XRCC4: variants seen among roughly 807,000 people sequenced by gnomAD.
XRCC4 encodes DNA repair protein XRCC4.
A neutral mutation model predicts 39.1 loss-of-function variants in XRCC4; 28 were observed. The observed-to-expected ratio is 0.72, with a 90% confidence interval of 0.53 to 0.98. The LOEUF (loss-of-function observed/expected upper bound fraction) is 0.98, where lower values mean the gene tolerates loss of function less well. Ranked by LOEUF, XRCC4 falls within the 50% of genes least tolerant of loss-of-function variation. XRCC4 has a pLI of 0.00. For missense variants in XRCC4, 350 were observed against 376.4 expected (o/e 0.93, Z 0.58); for synonymous variants, 123 against 126.4 (o/e 0.97, Z 0.18).
At chr5:83,252,159 C>T (rs1334639567) in intron 6 of XRCC4, among the ~76,000 whole-genome samples, 1 of 152,080 alleles carries the variant, frequency 6.6e-6, no homozygotes, top group Non-Finnish European at 1.5e-5. Flanking sequence ...CACAAGGTAG[C>T]CTGAGGCATT....
intron 7 of XRCC4, among the ~76,000 whole-genome samples, chr5:83,288,419 G>C (rs948602268): frequency 6.6e-6 from 1 of 151,850 alleles, no homozygotes; most frequent in Non-Finnish European, 1.5e-5. Context: ...ACTTCTATCA[G>C]TTTTGCCTTG....
chr5:83,372,085 T>C, the XRCC4 span, among the ~76,000 whole-genome samples: 1 of 152,172 alleles, frequency 6.6e-6, no homozygotes, highest in African/African-American at 2.4e-5. Context: ...GTGCAGGAAA[T>C]CCTTTTGCTT....
intron 7 of XRCC4, 185 bp downstream of exon 7, chr5:83,258,862 T>A: frequency 3.7e-6 from 3 of 807,252 alleles, no homozygotes; most frequent in Non-Finnish European, 5.4e-6. Flanking sequence ...TATTAATATT[T>A]AAAGCTGAAA....
intron 7 of XRCC4, among the ~76,000 whole-genome samples, chr5:83,288,242 G>T (rs984508059): frequency 1.3e-5 from 2 of 151,810 alleles, no homozygotes; most frequent in African/African-American, 4.8e-5. Flanking sequence ...TATCATGCAG[G>T]TGTTGGATGG....
At chr5:83,232,128 G>A (rs1189017854) in intron 6 of XRCC4, among the ~76,000 whole-genome samples, 3 of 151,824 alleles carry the variant, frequency 2.0e-5, no homozygotes, top group African/African-American at 7.3e-5. Context: ...AAGCCAGAGT[G>A]CAAAATAATT....
chr5:83,153,639 A>C (rs1748823139), intron 3 of XRCC4, among the ~76,000 whole-genome samples: 1 of 152,202 alleles, frequency 6.6e-6, no homozygotes. Flanking sequence ...ATGATGACAA[A>C]GGCTGGCAAG....
rs1199485352 is a variant in XRCC4, at chr5:83,183,944, C to G, written c.316-11826C>G. ...TTTTAGACCAATAATTTGTTTTTATCTTGTCTCTAGGTAAATAAGATTATA... is the reference window on the plus strand; with the variant it reads ...TTTTAGACCAATAATTTGTTTTTATGTTGTCTCTAGGTAAATAAGATTATA... On this transcript the variant is annotated intron_variant, in intron 3 of 7. Coordinates refer to ENST00000396027, the MANE Select transcript of XRCC4 (RefSeq NM_003401.5). Among the ~76,000 whole-genome samples, 8 of 152,076 alleles carry G rather than the reference C, an allele frequency of 5.3e-5. 2 individuals are homozygous for G. The South Asian group carries it at 1.7e-3, about 32-fold the overall frequency.
At chr5:83,316,608 G>A (rs1427476652) in intron 7 of XRCC4, among the ~76,000 whole-genome samples, 3 of 147,334 alleles carry the variant, frequency 2.0e-5, no homozygotes, top group African/African-American at 5.0e-5. Flanking sequence ...GACAAAGAAG[G>A]CCATTACATA....
intron 3 of XRCC4, among the ~76,000 whole-genome samples, chr5:83,169,114 A>C (rs1025498001): frequency 1.3e-5 from 2 of 152,138 alleles, no homozygotes; most frequent in Non-Finnish European, 2.9e-5. Flanking sequence ...AAATTTGCCA[A>C]ATCTGAATTG....
chr5:83,304,113 T>TA (rs1487361915), intron 7 of XRCC4, among the ~76,000 whole-genome samples: 3 of 151,616 alleles, frequency 2.0e-5, no homozygotes, highest in Non-Finnish European at 4.4e-5. Flanking sequence ...GTAAAAGTAA[T>TA]ACAAGTACTT....
chr5:83,204,176 T>C (rs543198463), intron 5 of XRCC4, among the ~76,000 whole-genome samples: 135 of 152,286 alleles, frequency 8.9e-4, no homozygotes, highest in Non-Finnish European at 1.6e-3. Flanking sequence ...AAAGTACATA[T>C]GTACTTGATT....
intron 3 of XRCC4, among the ~76,000 whole-genome samples, chr5:83,118,870 A>T (rs1382499330): frequency 6.6e-6 from 1 of 152,206 alleles, no homozygotes; most frequent in Non-Finnish European, 1.5e-5. Flanking sequence ...TTAGCATTTC[A>T]TTACAAATAA....
chr5:83,351,424 T>C (rs1757079383), intron 7 of XRCC4, among the ~76,000 whole-genome samples: 1 of 152,222 alleles, frequency 6.6e-6, no homozygotes, highest in Non-Finnish European at 1.5e-5. Context: ...TTAATTGAGA[T>C]AGTTCAGTTA....
At chr5:83,157,224 T>C (rs1309768139) in intron 3 of XRCC4, among the ~76,000 whole-genome samples, 1 of 152,108 alleles carries the variant, frequency 6.6e-6, no homozygotes, top group Non-Finnish European at 1.5e-5. Context: ...CATCAGATAT[T>C]GACAGTCAGG....
the XRCC4 span, among the ~76,000 whole-genome samples, chr5:83,372,787 C>G: frequency 6.6e-6 from 1 of 152,064 alleles, no homozygotes; most frequent in African/African-American, 2.4e-5. Context: ...TTGTTACTTG[C>G]TAGAAAACAT....
At chr5:83,297,475 G>C (rs962504420) in intron 7 of XRCC4, among the ~76,000 whole-genome samples, 2 of 151,836 alleles carry the variant, frequency 1.3e-5, no homozygotes, top group Admixed American at 6.6e-5. Context: ...GCAATGCTTA[G>C]GAACATTTTC....
intron 6 of XRCC4, among the ~76,000 whole-genome samples, chr5:83,237,489 C>T (rs1395742506): frequency 3.3e-5 from 5 of 151,700 alleles, no homozygotes; most frequent in Non-Finnish European, 5.9e-5. Flanking sequence ...TGTTCTCATT[C>T]ATATGTGGGA....
At chr5:83,307,394 A>G (rs1029020699) in intron 7 of XRCC4, among the ~76,000 whole-genome samples, 2 of 152,222 alleles carry the variant, frequency 1.3e-5, no homozygotes, top group African/African-American at 2.4e-5. Context: ...TCCCTAATAT[A>G]GCTCCCTGAA....
At chr5:83,361,644 A>G in the XRCC4 span, among the ~76,000 whole-genome samples, 2 of 146,704 alleles carry the variant, frequency 1.4e-5, no homozygotes, top group Non-Finnish European at 3.0e-5. Context: ...TTTCTTGGAG[A>G]TAGAGTTTTG....
Sources: allele counts gnomAD v4.1 joint callset (sites outside exome capture counted in the v4.1 genomes callset), GRCh38; gene constraint gnomAD v4.1.1; transcripts MANE v1.5; gene names NCBI Gene and HGNC (gene_info 2026-07-23, HGNC 2026-07-21).